B4GALNT3: variants seen among roughly 807,000 people sequenced by gnomAD.
B4GALNT3 encodes beta-1,4-N-acetyl-galactosaminyltransferase 3.
Under a neutral mutation model 120.2 loss-of-function variants are expected in B4GALNT3, and 86 were observed. The ratio of observed to expected loss-of-function variants is 0.72; its 90% confidence interval spans 0.60 to 0.86. The LOEUF (loss-of-function observed/expected upper bound fraction) is 0.86, where lower values mean the gene tolerates loss of function less well. Among genes scored for constraint, B4GALNT3 ranks in the 40% least tolerant of loss-of-function variants. The pLI, the probability that B4GALNT3 is intolerant of heterozygous loss-of-function variation, is 0.00. For missense variants in B4GALNT3, 1,167 were observed against 1,298.9 expected, an observed-to-expected ratio of 0.90 and a Z score of 1.56; for synonymous variants, 518 against 510.4, an observed-to-expected ratio of 1.01 and a Z score of -0.20.
At chr12:534,204 C>T (rs1946835708) in intron 1 of B4GALNT3, among the ~76,000 whole-genome samples, 2 of 152,188 alleles carry the variant, frequency 1.3e-5, no homozygotes, top group Non-Finnish European at 2.9e-5. Flanking sequence ...AGCCATTTGA[C>T]CAGTGTGGGT....
intron 9 of B4GALNT3, 90 bp from the exon 10 acceptor site, chr12:549,679 C>G (rs1184346316): frequency 6.5e-7 from 1 of 1,531,262 alleles, no homozygotes; most frequent in Admixed American, 1.7e-5. Flanking sequence ...TCAGGAGCCC[C>G]TTCTGCGTCT....
chr12:511,710 C>CACCTTCCACCTTCCACCTTCG (rs1283237009), intron 1 of B4GALNT3, among the ~76,000 whole-genome samples: 1 of 110,734 alleles, frequency 9.0e-6, no homozygotes, highest in African/African-American at 3.4e-5. Flanking sequence ...ACCTTCCTTC[C>CACCTTCCACCTTCCACCTTCG]ACCTTCCGCC....
intron 1 of B4GALNT3, among the ~76,000 whole-genome samples, chr12:469,674 C>A (rs1372324843): frequency 6.6e-6 from 1 of 152,098 alleles, no homozygotes; most frequent in Non-Finnish European, 1.5e-5. Context: ...CGAGAGCTGT[C>A]TGGGGGGCTG....
chr12:552,858 C>T (rs942527184), intron 13 of B4GALNT3: 18 of 500,144 alleles, frequency 3.6e-5, no homozygotes, highest in African/African-American at 3.3e-4. Flanking sequence ...GCACTGTCTT[C>T]TGGGGCCTTT....
chr12:553,144 G>C, intron 13 of B4GALNT3, 50 bp from the exon 14 acceptor site: 1 of 1,589,808 alleles, frequency 6.3e-7, no homozygotes, highest in South Asian at 1.1e-5. Flanking sequence ...TGTCTTGTTT[G>C]GAAAGGGTTG....
intron 3 of B4GALNT3, among the ~76,000 whole-genome samples, 184 bp downstream of exon 3, chr12:536,479 A>T (rs1258649918): frequency 3.3e-5 from 5 of 152,202 alleles, no homozygotes; most frequent in Non-Finnish European, 5.9e-5. Context: ...CTAGTGAATT[A>T]AAAAAATTTT....
At chr12:472,686 C>T (rs1222102072) in intron 1 of B4GALNT3, among the ~76,000 whole-genome samples, 1 of 152,238 alleles carries the variant, frequency 6.6e-6, no homozygotes, top group African/African-American at 2.4e-5. Flanking sequence ...ATCCGCTGGC[C>T]TTGGCCTCGC....
chr12:561,235 C>T, intron 19 of B4GALNT3, 108 bp from the exon 20 acceptor site: 1 of 783,816 alleles, frequency 1.3e-6, no homozygotes, highest in Non-Finnish European at 2.1e-6. Context: ...ACTGCACCTG[C>T]CTTCCCTGCC....
intron 3 of B4GALNT3, among the ~76,000 whole-genome samples, chr12:541,839 T>TCCC (rs1946919879): frequency 2.3e-5 from 1 of 43,006 alleles, no homozygotes. Context: ...GTCCCCCCCC[T>TCCC]CACCCCCCCC....
intron 1 of B4GALNT3, among the ~76,000 whole-genome samples, chr12:521,348 G>A (rs1341973911): frequency 6.6e-6 from 1 of 152,174 alleles, no homozygotes; most frequent in Non-Finnish European, 1.5e-5. Context: ...TGAATCCTAA[G>A]CAGAGACACA....
At chr12:518,489 GC>G (rs756855249) in intron 1 of B4GALNT3, among the ~76,000 whole-genome samples, 7 of 152,194 alleles carry the variant, frequency 4.6e-5, no homozygotes, top group South Asian at 4.2e-4. Flanking sequence ...ATAGCTCACT[GC>G]AGACTCCAAC....
intron 2 of B4GALNT3, among the ~76,000 whole-genome samples, chr12:535,535 A>G (rs974678877): frequency 1.3e-5 from 2 of 152,072 alleles, no homozygotes; most frequent in Non-Finnish European, 2.9e-5. Flanking sequence ...TCCCTAGTTC[A>G]GTTTGCCCGT....
chr12:490,994 A>C (rs189103872), intron 1 of B4GALNT3, among the ~76,000 whole-genome samples: 1 of 151,442 alleles, frequency 6.6e-6, no homozygotes, highest in South Asian at 2.1e-4. Flanking sequence ...CTTCTAGAAG[A>C]TAGAAGCAGA....
chr12:460,559 A>AG lies in B4GALNT3; in HGVS notation c.169+18dup, dbSNP rs1029683352. 2 of 1,424,688 alleles carry AG rather than the reference A, an allele frequency of 1.4e-6. No homozygotes were observed. The highest frequency in any genetic ancestry group is 2.5e-5 in the Admixed American group (1 of 40,582). 88.3% of individuals were successfully genotyped at this position (1,424,688 alleles called of 1,614,324 possible). On this transcript the variant is annotated intron_variant, in intron 1 of 19. Coordinates refer to ENST00000266383, the MANE Select transcript of B4GALNT3 (RefSeq NM_173593.4). This position sits in a 1 kb window ranked among gnomAD's most constrained non-coding sequence, Gnocchi z 8.0. ...CCCTGAACCGGAGTAAGTAGCACCCAGGGGAGGCGAAGGGCGCGGGGGTGG... is the reference window on the plus strand; with the variant it reads ...CCCTGAACCGGAGTAAGTAGCACCCAGGGGGAGGCGAAGGGCGCGGGGGTGG...
In B4GALNT3 at chr12:557,968, C is replaced by T. The variant is rs777800806; in HGVS notation, c.2535-48C>T. ...ATGCCTGCCAACTTCCTCCAGGGGA[C>T]CACCGCAGCTGAGTCCTGATACGCA... is the stretch of plus-strand genomic sequence containing the variant. On this transcript the variant is annotated intron_variant, in intron 16 of 19. Coordinates refer to ENST00000266383, the MANE Select transcript of B4GALNT3 (RefSeq NM_173593.4). 2.9e-5 allele frequency: 46 copies of T among 1,593,138 alleles called. No homozygotes were observed. The South Asian group carries it at 4.7e-4, about 16-fold the overall frequency.
intron 7 of B4GALNT3, 116 bp downstream of exon 7, chr12:546,829 A>G: frequency 9.6e-7 from 1 of 1,037,204 alleles, no homozygotes; most frequent in East Asian, 2.6e-5. Flanking sequence ...TCCGGCACCC[A>G]CACGCTCCCG....
At chr12:465,055 G>A (rs1223694657) in intron 1 of B4GALNT3, among the ~76,000 whole-genome samples, 1 of 152,202 alleles carries the variant, frequency 6.6e-6, no homozygotes, top group Non-Finnish European at 1.5e-5. Context: ...GGCAGAGGAG[G>A]GATAGTGTGG....
At chr12:511,327 C>G (rs1431882971) in intron 1 of B4GALNT3, among the ~76,000 whole-genome samples, 17 of 44,874 alleles carry the variant, frequency 3.8e-4, no homozygotes, top group Admixed American at 2.9e-3. Context: ...TTCTGCCTTC[C>G]ACCTTCCACC....
At chr12:559,627 C>T (rs1947202865) in intron 19 of B4GALNT3, among the ~76,000 whole-genome samples, 1 of 152,054 alleles carries the variant, frequency 6.6e-6, no homozygotes, top group African/African-American at 2.4e-5. Flanking sequence ...CGCCCTCTGT[C>T]TGTGTCACAG....
Sources: gnomAD v4.1 joint callset for allele counts (sites outside exome capture counted in the v4.1 genomes callset) on GRCh38, gnomAD v4.1.1 for gene constraint, Gnocchi (gnomAD v3.1) non-coding constraint, MANE v1.5 for transcripts, NCBI Gene and HGNC (gene_info 2026-07-23, HGNC 2026-07-21) for gene names.